The following PTPRG variants were observed in gnomAD, a reference collection of about 807,000 sequenced individuals.
The protein encoded by PTPRG is protein tyrosine phosphatase receptor type G.
A neutral mutation model predicts 165.3 loss-of-function variants in PTPRG; 102 were observed. The observed-to-expected ratio is 0.62, with a 90% CI of 0.53 to 0.73. The LOEUF (loss-of-function observed/expected upper bound fraction) is 0.73. PTPRG is among the 30% of genes least tolerant of loss of function. The pLI is 0.00. For missense variants in PTPRG, 1,866 were observed against 1,861.4 expected (o/e 1.00, Z -0.05); for synonymous variants, 675 against 669.5 (o/e 1.01, Z -0.13).
At chr3:61,783,243 G>A (rs371889160) in intron 2 of PTPRG, among the ~76,000 whole-genome samples, 29 of 152,286 alleles carry the variant, frequency 1.9e-4, no homozygotes, top group African/African-American at 5.1e-4. Context: ...GGGAGGCTGC[G>A]GTGGGAGGAT....
rs773685722 is a variant in PTPRG at position 62,214,450 on chromosome 3, A to G, written c.2156-4401A>G. On this transcript the variant is annotated intron_variant, in intron 12 of 29. Coordinates refer to ENST00000474889, the MANE Select transcript of PTPRG (RefSeq NM_002841.4). This position sits in a 1 kb window ranked among gnomAD's most constrained non-coding sequence, Gnocchi z 5.2. ...AATCTTCATCCCACCACAATGCCGTATGCAATATTATTACTTCCATTTACA... is the reference window on the plus strand; with the variant it reads ...AATCTTCATCCCACCACAATGCCGTGTGCAATATTATTACTTCCATTTACA... 6.6e-6 allele frequency among the ~76,000 whole-genome samples: 1 copy of G among 152,228 alleles called. No homozygotes were observed. Among genetic ancestry groups the G allele is most frequent in the Non-Finnish European group, 1.5e-5 (1 of 68,040 alleles).
intron 2 of PTPRG, among the ~76,000 whole-genome samples, chr3:61,961,406 A>C (rs879551223): frequency 6.6e-6 from 1 of 152,328 alleles, no homozygotes; most frequent in South Asian, 2.1e-4. Flanking sequence ...GCATCTTAAA[A>C]TTCGGACTTA....
At chr3:62,044,151 T>C (rs1291089992) in intron 4 of PTPRG, among the ~76,000 whole-genome samples, 1 of 152,236 alleles carries the variant, frequency 6.6e-6, no homozygotes, top group Non-Finnish European at 1.5e-5. Flanking sequence ...TGCAGGAATC[T>C]GATGAAGAGT....
intron 2 of PTPRG, among the ~76,000 whole-genome samples, chr3:61,868,254 A>C (rs1205542076): frequency 1.3e-5 from 2 of 152,150 alleles, no homozygotes; most frequent in African/African-American, 4.8e-5. Flanking sequence ...ACGGAAGAAA[A>C]GCTCCAAGAT....
At chr3:61,993,474 C>T (rs1051534202) in intron 3 of PTPRG, among the ~76,000 whole-genome samples, 6 of 152,122 alleles carry the variant, frequency 3.9e-5, no homozygotes, top group Non-Finnish European at 8.8e-5. Context: ...CCACTTCTGC[C>T]TCCCAAAGTG....
At chr3:61,574,078 A>T (rs1180711805) in intron 1 of PTPRG, among the ~76,000 whole-genome samples, 1 of 151,810 alleles carries the variant, frequency 6.6e-6, no homozygotes, top group African/African-American at 2.4e-5. Flanking sequence ...AATTCTGTGA[A>T]TCTGGTGGTC....
chr3:61,667,317 G>A (rs7627609), intron 1 of PTPRG, among the ~76,000 whole-genome samples: 1,789 of 152,248 alleles, frequency 0.012, 46 homozygotes, highest in African/African-American at 0.041. Flanking sequence ...ATGCAAAGGC[G>A]TTAACATAGG....
chr3:61,761,612 G>A (rs937759464), intron 2 of PTPRG, among the ~76,000 whole-genome samples: 55 of 136,192 alleles, frequency 4.0e-4, no homozygotes, highest in Non-Finnish European at 1.4e-4. Context: ...CAAACAAACC[G>A]TCATCCTGAC....
intron 2 of PTPRG, among the ~76,000 whole-genome samples, chr3:61,757,430 G>T (rs1368696687): frequency 6.6e-6 from 1 of 151,706 alleles, no homozygotes; most frequent in Non-Finnish European, 1.5e-5. Flanking sequence ...GGGAGAAAAA[G>T]AAAAAAACCT....
intron 5 of PTPRG, 57 bp from the exon 6 acceptor site, chr3:62,132,545 G>C: frequency 1.5e-6 from 2 of 1,352,204 alleles, no homozygotes; most frequent in Non-Finnish European, 2.1e-6. Flanking sequence ...ATTAAACTGA[G>C]ACTGTTGTGC....
intron 5 of PTPRG, among the ~76,000 whole-genome samples, chr3:62,098,762 C>G (rs1207159332): frequency 6.6e-6 from 1 of 152,150 alleles, no homozygotes; most frequent in African/African-American, 2.4e-5. Flanking sequence ...AGAAGACATG[C>G]TAAGTATGTT....
intron 4 of PTPRG, among the ~76,000 whole-genome samples, chr3:62,023,717 C>T (rs1006943499): frequency 3.2e-4 from 49 of 152,128 alleles, no homozygotes; most frequent in African/African-American, 1.0e-3. Context: ...CCAAGGCTAC[C>T]TGGCAAAACC....
At chr3:61,683,594 A>G (rs1045654094) in intron 1 of PTPRG, among the ~76,000 whole-genome samples, 8 of 152,246 alleles carry the variant, frequency 5.3e-5, no homozygotes, top group Middle Eastern at 3.2e-3. Flanking sequence ...TGGTTGCAGT[A>G]GCCAAACTAA....
intron 14 of PTPRG, among the ~76,000 whole-genome samples, chr3:62,239,754 A>G (rs1397432060): frequency 6.6e-6 from 1 of 152,186 alleles, no homozygotes; most frequent in Admixed American, 6.5e-5. Flanking sequence ...GTTTAGAGGC[A>G]TTAAAACTTG....
intron 5 of PTPRG, among the ~76,000 whole-genome samples, chr3:62,107,545 C>A (rs1702515500): frequency 6.6e-6 from 1 of 152,180 alleles, no homozygotes; most frequent in Admixed American, 6.5e-5. Context: ...TGGGTTAAGA[C>A]CCCTCTGGAG....
At chr3:62,025,826 G>A (rs1190467305) in intron 4 of PTPRG, among the ~76,000 whole-genome samples, 1 of 152,224 alleles carries the variant, frequency 6.6e-6, no homozygotes, top group African/African-American at 2.4e-5. Flanking sequence ...ACTAGAGTTA[G>A]AAGAGAAAAT....
intron 1 of PTPRG, among the ~76,000 whole-genome samples, chr3:61,682,935 T>C (rs1198714942): frequency 1.3e-5 from 2 of 152,238 alleles, no homozygotes; most frequent in African/African-American, 4.8e-5. Context: ...GCTGAACATA[T>C]GTGATCTATT....
chr3:62,183,425 G>A (rs918961052), intron 8 of PTPRG, among the ~76,000 whole-genome samples: 2 of 152,118 alleles, frequency 1.3e-5, no homozygotes, highest in African/African-American at 4.8e-5. Context: ...TTGGCCAGGT[G>A]TGGTGGTGGG....
At chr3:61,703,382 TAA>T (rs1386202725) in intron 1 of PTPRG, among the ~76,000 whole-genome samples, 1 of 152,246 alleles carries the variant, frequency 6.6e-6, no homozygotes, top group Admixed American at 6.5e-5. Context: ...TCAAATTTCA[TAA>T]GATTGGTTTT....
Sources: gnomAD v4.1 joint callset for allele counts (sites outside exome capture counted in the v4.1 genomes callset) on GRCh38, gnomAD v4.1.1 for gene constraint, Gnocchi (gnomAD v3.1) non-coding constraint, MANE v1.5 for transcripts, NCBI Gene and HGNC (gene_info 2026-07-23, HGNC 2026-07-21) for gene names.